MDM4: variants seen among roughly 807,000 people sequenced by gnomAD.
The protein encoded by MDM4 is protein Mdm4.
In MDM4, 2 loss-of-function variants were observed where a neutral mutation model predicts 60.2. The ratio of observed to expected loss-of-function variants is 0.03; its 90% CI spans 0.01 to 0.10. MDM4 has a LOEUF of 0.10. Among genes scored for constraint, MDM4 ranks in the 10% least tolerant of loss-of-function variants. The pLI, the probability that MDM4 is intolerant of heterozygous loss-of-function variation, is 1.00. For synonymous variants in MDM4, 202 were observed against 198.1 expected, an observed-to-expected ratio of 1.02 and a Z score of -0.17; for missense variants, 447 against 577.5, an observed-to-expected ratio of 0.77 and a Z score of 2.32.
In MDM4 at chr1:204,547,436, C is replaced by T. The variant is rs4252732; in HGVS notation, c.903+559C>T. 9.1e-3 allele frequency among the ~76,000 whole-genome samples: 1,386 copies of T among 152,272 alleles called. 47 individuals carry two copies. The highest frequency in any genetic ancestry group is 0.084 in the East Asian group (434 of 5,186). On this transcript the variant is annotated intron_variant, in intron 10 of 10. Coordinates refer to ENST00000367182, the MANE Select transcript of MDM4 (RefSeq NM_002393.5). ...AGTCTAGACCCAAATGTATACCTTGCTTTTTTGTTGCTATTTCCCCATGTT... is the reference window on the plus strand; with the variant it reads ...AGTCTAGACCCAAATGTATACCTTGTTTTTTTGTTGCTATTTCCCCATGTT...
chr1:204,542,031 TGTTA>T (rs1662144002), intron 7 of MDM4, among the ~76,000 whole-genome samples: 1 of 152,220 alleles, frequency 6.6e-6, no homozygotes, highest in African/African-American at 2.4e-5. Context: ...AACAGACTTA[TGTTA>T]ATTAGCTGCC....
intron 8 of MDM4, among the ~76,000 whole-genome samples, chr1:204,544,279 G>T (rs139356422): frequency 6.6e-6 from 1 of 152,308 alleles, no homozygotes; most frequent in African/African-American, 2.4e-5. Context: ...CTTCAGTACT[G>T]TTTCTTAGGT....
intron 5 of MDM4, among the ~76,000 whole-genome samples, chr1:204,535,793 G>A (rs1288665843): frequency 6.6e-6 from 1 of 151,262 alleles, no homozygotes; most frequent in East Asian, 2.0e-4. Flanking sequence ...CACACACCTC[G>A]ACCTCCCAAA....
intron 5 of MDM4, among the ~76,000 whole-genome samples, chr1:204,535,707 G>C (rs1168827625): frequency 2.0e-5 from 3 of 151,630 alleles, no homozygotes; most frequent in African/African-American, 4.8e-5. Context: ...TAATTTTTGT[G>C]ATTTTAGTAG....
In MDM4 at chr1:204,554,967, T is replaced by C. The variant is rs1324679919; in HGVS notation, c.*5285T>C. 1 of 220,500 alleles carries C rather than the reference T, an allele frequency of 4.5e-6. No homozygotes were observed. The highest frequency in any genetic ancestry group is 5.8e-5 in the Admixed American group (1 of 17,310). 13.7% of individuals were successfully genotyped at this position (220,500 alleles called of 1,614,324 possible). ...TCTACACTTGGATTTGCTGCACCTC[T>C]ACCAATAGCCTTTTGAATGACTGAA... is the stretch of plus-strand genomic sequence containing the variant. On this transcript the variant is annotated 3_prime_UTR_variant, in exon 11 of 11. Transcript: ENST00000367182.
At position 204,549,279 on chromosome 1, in the gene MDM4, A is replaced by G; in HGVS notation, c.1070A>G (p.Asn357Ser). 1 of 1,614,218 alleles carries G rather than the reference A, an allele frequency of 6.2e-7. No individual in the cohort carries two copies. The highest frequency in any genetic ancestry group is 8.5e-7 in the Non-Finnish European group (1 of 1,180,022). The part of the protein sequence containing the change: ...TAIPEKENEG[N>S]DVPDCRRTIS... ...ATACCTGAAAAGGAAAATGAAGGAA[A>G]TGATGTCCCTGATTGTCGAAGAACC... The change falls in exon 11 of 11, where the codon AAT (asparagine) becomes AGT (serine). Residue 357 changes from asparagine (N) to serine (S), a missense_variant. Physicochemically the swap from Asn to Ser is conservative, Grantham distance 46. This residue lies in a region of MDM4 where 117 missense variants were observed against 114.5 expected (regional missense o/e 1.02). Transcript: ENST00000367182.
intron 10 of MDM4, among the ~76,000 whole-genome samples, chr1:204,547,236 A>G (rs752951350): frequency 3.3e-5 from 5 of 152,216 alleles, no homozygotes; most frequent in Non-Finnish European, 5.9e-5. Context: ...CCCATAGGCT[A>G]TCTAAAATTA....
intron 5 of MDM4, among the ~76,000 whole-genome samples, chr1:204,535,140 T>C (rs1300067909): frequency 6.6e-6 from 1 of 151,924 alleles, no homozygotes; most frequent in Non-Finnish European, 1.5e-5. Context: ...AAGATGCCAT[T>C]GTTTAAAATG....
intron 9 of MDM4, among the ~76,000 whole-genome samples, chr1:204,546,219 T>C (rs528330893): frequency 6.6e-6 from 1 of 152,284 alleles, no homozygotes; most frequent in South Asian, 2.1e-4. Flanking sequence ...TAAATTGTTT[T>C]AGAGACAAGC....
intron 5 of MDM4, chr1:204,536,833 G>T: frequency 4.6e-6 from 1 of 216,300 alleles, no homozygotes; most frequent in Non-Finnish European, 9.4e-6. Context: ...TAGTAACTGG[G>T]AAAAATAAGA....
chr1:204,549,044 ACCT>A (rs951651852), intron 10 of MDM4, 66 bp from the exon 11 acceptor site: 1 of 955,994 alleles, frequency 1.0e-6, no homozygotes, highest in South Asian at 1.6e-5. Flanking sequence ...AATGAATTTG[ACCT>A]CCTTTCCTTT....
intron 1 of MDM4, among the ~76,000 whole-genome samples, chr1:204,521,953 T>C (rs1052945894): frequency 7.9e-5 from 12 of 152,290 alleles, no homozygotes; most frequent in Middle Eastern, 3.4e-3. Context: ...TTGGGAGTTT[T>C]AGTTTTAAAA....
At chr1:204,529,114 A>G (rs1052883794) in intron 3 of MDM4, 2 of 1,243,096 alleles carry the variant, frequency 1.6e-6, no homozygotes, top group Middle Eastern at 2.3e-4. Flanking sequence ...GAGTTGTCCC[A>G]GTCATAACTG....
At chr1:204,523,503 CGA>C (rs1659795713) in intron 1 of MDM4, among the ~76,000 whole-genome samples, 1 of 82,004 alleles carries the variant, frequency 1.2e-5, no homozygotes, top group African/African-American at 6.0e-5. Flanking sequence ...TTTTTTTTTG[CGA>C]CAGGGTATCG....
rs2102485421 is a variant in MDM4 at position 204,556,011 on chromosome 1, GT to G, written c.*6332del. Reference sequence around the variant, plus strand: ...TCCCCTGTCAACAGTAGCAAATGTGGTTTCATAAAGTGGGAAGAAAACAGCA... The same window carrying G: ...TCCCCTGTCAACAGTAGCAAATGTGGTTCATAAAGTGGGAAGAAAACAGCA... On this transcript the variant is annotated 3_prime_UTR_variant, in exon 11 of 11. Coordinates refer to ENST00000367182, the MANE Select transcript of MDM4 (RefSeq NM_002393.5). 4.7e-6 allele frequency: 1 copy of G among 212,598 alleles called. No homozygotes were observed. The highest frequency in any genetic ancestry group is 1.9e-4 in the South Asian group (1 of 5,358). 13.2% of individuals were successfully genotyped at this position (212,598 alleles called of 1,614,324 possible). A position where few individuals can be genotyped will look rare whatever the true frequency, so the allele number is the denominator to read the frequency against.
intron 5 of MDM4, chr1:204,532,814 C>T: frequency 1.2e-6 from 2 of 1,611,458 alleles, no homozygotes; most frequent in Non-Finnish European, 1.7e-6. Context: ...CTAGAGTTGG[C>T]AGATTGTATC....
intron 5 of MDM4, among the ~76,000 whole-genome samples, chr1:204,534,076 G>A (rs1365355737): frequency 5.9e-5 from 9 of 151,956 alleles, no homozygotes; most frequent in Non-Finnish European, 8.8e-5. Context: ...ATGAGCCACC[G>A]CCCCCAGACC....
chr1:204,527,024 A>G (rs1366724097), intron 3 of MDM4, among the ~76,000 whole-genome samples: 1 of 152,070 alleles, frequency 6.6e-6, no homozygotes, highest in Non-Finnish European at 1.5e-5. Flanking sequence ...GCCTGGCACC[A>G]TAGCTCACGC....
chr1:204,520,809 G>A (rs1188879850), intron 1 of MDM4, among the ~76,000 whole-genome samples: 2 of 152,144 alleles, frequency 1.3e-5, no homozygotes, highest in Admixed American at 1.3e-4. Flanking sequence ...CCAGGAGGTC[G>A]AGGTGGCAGT....
Sources: allele counts gnomAD v4.1 joint callset (sites outside exome capture counted in the v4.1 genomes callset), GRCh38; gene constraint gnomAD v4.1.1; regional missense constraint gnomAD v4.1.1; transcripts MANE v1.5; gene names NCBI Gene and HGNC (gene_info 2026-07-23, HGNC 2026-07-21).